WIF1: variants seen among roughly 807,000 people sequenced by gnomAD.
WIF1 encodes Wnt inhibitory factor 1.
WIF1 carries 35 observed loss-of-function variants against 53.5 expected under a neutral mutation model. That is an observed-to-expected ratio of 0.65 (90% confidence interval 0.50 to 0.87). The LOEUF (loss-of-function observed/expected upper bound fraction) is 0.87, where lower values mean the gene tolerates loss of function less well. Ranked by LOEUF, WIF1 falls within the 40% of genes least tolerant of loss-of-function variation. The probability of loss-of-function intolerance (pLI) is 0.00; values close to 1 mark genes in which losing one functional copy is unlikely to be tolerated. For synonymous variants in WIF1, 171 were observed against 170.4 expected (o/e 1.00, Z -0.03); for missense variants, 467 against 476.8 (o/e 0.98, Z 0.19).
Position 65,077,034 on chromosome 12 carries a change from C to T in WIF1, c.397+712G>A, listed in dbSNP as rs908097377. Reference sequence around the variant, plus strand: ...GTATATTTCTAAAAGTCAGAAATCCCGGGCTCTAGTCTCAACTCTACTGCT... The same window carrying T: ...GTATATTTCTAAAAGTCAGAAATCCTGGGCTCTAGTCTCAACTCTACTGCT... On this transcript the variant is annotated intron_variant, in intron 3 of 9. Coordinates refer to ENST00000286574, the MANE Select transcript of WIF1 (RefSeq NM_007191.5). 2.6e-5 allele frequency among the ~76,000 whole-genome samples: 4 copies of T among 151,998 alleles called. No individual in the cohort carries two copies. The East Asian group carries it at 5.8e-4, about 22-fold the overall frequency.
intron 3 of WIF1, among the ~76,000 whole-genome samples, chr12:65,069,980 C>T (rs1882748380): frequency 6.6e-6 from 1 of 152,238 alleles, no homozygotes; most frequent in Non-Finnish European, 1.5e-5. Flanking sequence ...CATTTTATTT[C>T]TGCATGGCAA....
At chr12:65,107,146 G>T (rs780249484) in intron 2 of WIF1, among the ~76,000 whole-genome samples, 1 of 152,100 alleles carries the variant, frequency 6.6e-6, no homozygotes, top group Non-Finnish European at 1.5e-5. Context: ...ATTCCATAAA[G>T]AAGTAACTTT....
intron 2 of WIF1, among the ~76,000 whole-genome samples, chr12:65,112,451 C>CACACACACACACACACACACACA (rs66889835): frequency 6.7e-6 from 1 of 148,542 alleles, no homozygotes; most frequent in African/African-American, 2.5e-5. Flanking sequence ...CACACACACA[C>CACACACACACACACACACACACA]CATCCTGGAG....
intron 2 of WIF1, among the ~76,000 whole-genome samples, chr12:65,091,057 G>A (rs1436392338): frequency 6.6e-6 from 1 of 152,046 alleles, no homozygotes; most frequent in Non-Finnish European, 1.5e-5. Flanking sequence ...GTTCAAGTTA[G>A]CACATATAGG....
At chr12:65,066,385 C>T (rs942842349) in intron 6 of WIF1, among the ~76,000 whole-genome samples, 17 of 152,120 alleles carry the variant, frequency 1.1e-4, no homozygotes, top group Non-Finnish European at 2.4e-4. Flanking sequence ...GGTGCCTGGG[C>T]TCCTGAGTCA....
chr12:65,052,718 C>A (rs2136605587), intron 9 of WIF1, among the ~76,000 whole-genome samples: 1 of 152,298 alleles, frequency 6.6e-6, no homozygotes, highest in South Asian at 2.1e-4. Flanking sequence ...TCTTGGCATG[C>A]AATGCTTGGA....
At chr12:65,112,315 T>C (rs1883442948) in intron 2 of WIF1, among the ~76,000 whole-genome samples, 1 of 152,036 alleles carries the variant, frequency 6.6e-6, no homozygotes, top group African/African-American at 2.4e-5. Flanking sequence ...TTTTATGTTA[T>C]GTTCAAAGTT....
intron 3 of WIF1, among the ~76,000 whole-genome samples, chr12:65,071,053 T>A (rs1476900747): frequency 6.6e-6 from 1 of 151,652 alleles, no homozygotes; most frequent in East Asian, 1.9e-4. Context: ...CTGGCCAACA[T>A]GGTGAAACCC....
At chr12:65,114,466 T>C (rs940866833) in intron 2 of WIF1, among the ~76,000 whole-genome samples, 1 of 152,232 alleles carries the variant, frequency 6.6e-6, no homozygotes, top group South Asian at 2.1e-4. Context: ...TGGATGATAC[T>C]GAATGGAATC....
intron 2 of WIF1, among the ~76,000 whole-genome samples, chr12:65,088,283 A>G (rs1416836981): frequency 6.6e-6 from 1 of 152,090 alleles, no homozygotes; most frequent in African/African-American, 2.4e-5. Flanking sequence ...CTCTCAACTG[A>G]TGTCAATATC....
intron 9 of WIF1, 35 bp from the exon 10 acceptor site, chr12:65,051,505 C>A (rs1203867731): frequency 2.1e-5 from 33 of 1,538,196 alleles, no homozygotes; most frequent in Non-Finnish European, 2.8e-5. Context: ...AGGAAAGAAA[C>A]TACAAAACCA....
intron 2 of WIF1, among the ~76,000 whole-genome samples, chr12:65,091,419 C>T (rs1350513942): frequency 6.7e-6 from 1 of 150,222 alleles, no homozygotes; most frequent in Admixed American, 6.7e-5. Flanking sequence ...CAGTATTATA[C>T]AAGGCAAAAC....
intron 2 of WIF1, among the ~76,000 whole-genome samples, chr12:65,119,550 T>C (rs1353975989): frequency 6.6e-6 from 1 of 152,184 alleles, no homozygotes; most frequent in East Asian, 1.9e-4. Context: ...AAAATAATCA[T>C]TTAAGGAACT....
intron 2 of WIF1, among the ~76,000 whole-genome samples, chr12:65,096,436 C>T (rs1320207788): frequency 1.3e-5 from 2 of 152,110 alleles, no homozygotes; most frequent in East Asian, 1.9e-4. Context: ...ATTAGTTCAA[C>T]CATTGTGGAA....
chr12:65,114,875 C>T (rs1168016918), intron 2 of WIF1, among the ~76,000 whole-genome samples: 2 of 152,006 alleles, frequency 1.3e-5, no homozygotes, highest in Non-Finnish European at 2.9e-5. Context: ...TGTGGAGATT[C>T]AGAAAAATGA....
chr12:65,060,812 C>T (rs1882600200), intron 7 of WIF1, among the ~76,000 whole-genome samples: 2 of 152,094 alleles, frequency 1.3e-5, no homozygotes, highest in Admixed American at 1.3e-4. Flanking sequence ...ATGTAGTTCC[C>T]GTGATAGAAA....
At chr12:65,118,780 A>G (rs180863982) in intron 2 of WIF1, among the ~76,000 whole-genome samples, 85 of 152,346 alleles carry the variant, frequency 5.6e-4, no homozygotes, top group African/African-American at 1.7e-3. Flanking sequence ...ATAGGATAAA[A>G]GCAACATGGA....
intron 9 of WIF1, among the ~76,000 whole-genome samples, chr12:65,053,509 T>C (rs1882474687): frequency 6.6e-6 from 1 of 152,166 alleles, no homozygotes; most frequent in African/African-American, 2.4e-5. Flanking sequence ...GCTCCTTCTA[T>C]GGTCATTCTC....
intron 7 of WIF1, among the ~76,000 whole-genome samples, chr12:65,057,044 T>G (rs951571192): frequency 6.6e-6 from 1 of 152,146 alleles, no homozygotes; most frequent in Non-Finnish European, 1.5e-5. Flanking sequence ...AAGCAGGATC[T>G]GCATGCAGCT....
Sources: gnomAD v4.1 joint callset for allele counts (sites outside exome capture counted in the v4.1 genomes callset) on GRCh38, gnomAD v4.1.1 for gene constraint, MANE v1.5 for transcripts, NCBI Gene and HGNC (gene_info 2026-07-23, HGNC 2026-07-21) for gene names.